PRDM16: variants seen among roughly 807,000 people sequenced by gnomAD.
PRDM16 encodes the protein PR/SET domain 16.
PRDM16 carries 23 observed loss-of-function variants against 110.6 expected under a neutral mutation model. That is an observed-to-expected ratio of 0.21 (90% CI 0.15 to 0.29). The LOEUF is 0.29. Among genes scored for constraint, PRDM16 ranks in the 10% least tolerant of loss-of-function variants. The probability of loss-of-function intolerance (pLI) is 1.00; values close to 1 mark genes in which losing one functional copy is unlikely to be tolerated. For synonymous variants in PRDM16, 799 were observed against 781.8 expected (o/e 1.02, Z -0.37); for missense variants, 1,615 against 1,794.3 (o/e 0.90, Z 1.81).
At chr1:3,325,760 G>A (rs1295342000) in intron 3 of PRDM16, among the ~76,000 whole-genome samples, 2 of 151,284 alleles carry the variant, frequency 1.3e-5, no homozygotes, top group Non-Finnish European at 1.5e-5. Flanking sequence ...CTTCCTTGGC[G>A]ATTCTCAGTG....
intron 1 of PRDM16, among the ~76,000 whole-genome samples, chr1:3,095,635 C>T (rs1371637976): frequency 6.6e-6 from 1 of 152,152 alleles, no homozygotes; most frequent in Non-Finnish European, 1.5e-5. Context: ...GCCCTAGGGA[C>T]CCCTGTGCTG....
intron 1 of PRDM16, among the ~76,000 whole-genome samples, chr1:3,102,207 G>A (rs1166149091): frequency 6.6e-6 from 1 of 152,222 alleles, no homozygotes; most frequent in Non-Finnish European, 1.5e-5. Flanking sequence ...CAGGGAGCCA[G>A]GTAGAGGTGG....
intron 3 of PRDM16, among the ~76,000 whole-genome samples, chr1:3,324,742 C>A (rs1316713256): frequency 6.8e-6 from 1 of 147,876 alleles, no homozygotes; most frequent in African/African-American, 2.5e-5. Context: ...TCGTCACCCC[C>A]CCTTGATTCC....
chr1:3,188,388 TG>T (rs1182283753), intron 2 of PRDM16, among the ~76,000 whole-genome samples: 1 of 152,126 alleles, frequency 6.6e-6, no homozygotes, highest in Non-Finnish European at 1.5e-5. Context: ...TTTAAAGAAA[TG>T]GCCCGTATCA....
intron 1 of PRDM16, among the ~76,000 whole-genome samples, chr1:3,161,709 C>T (rs1047772250): frequency 2.0e-5 from 3 of 152,182 alleles, no homozygotes; most frequent in East Asian, 3.9e-4. Flanking sequence ...GCGGGAGCCT[C>T]GAGATTCTTT....
At chr1:3,125,386 C>T (rs1643183759) in intron 1 of PRDM16, among the ~76,000 whole-genome samples, 3 of 152,248 alleles carry the variant, frequency 2.0e-5, no homozygotes, top group Admixed American at 2.0e-4. Context: ...AAGTGGGCCT[C>T]TGTTCAGCCC....
rs140795880 is a variant in PRDM16 at position 3,165,404 on chromosome 1, G to C, written c.38-20721G>C. On this transcript the variant is annotated intron_variant, in intron 1 of 16. Transcript: ENST00000270722. The stretch of plus-strand genomic sequence containing the variant: ...AGACAGGGACTCACCAGGGCTCAGG[G>C]ACAGTGACTCACCTGGGCTCAGGGA... 5.1e-3 allele frequency among the ~76,000 whole-genome samples: 707 copies of C among 138,296 alleles called. 19 individuals are homozygous for C. The highest frequency in any genetic ancestry group is 0.042 in the East Asian group (170 of 4,064). The allele number at this position is 138,296 out of a possible 152,430, so 90.7% of individuals were successfully genotyped here.
chr1:3,072,731 T>C lies in PRDM16; in HGVS notation c.37+3435T>C, dbSNP rs372464526. ...CGGCAGCCTTCCCTCTGAAGGCCGG[T>C]TAGGGCAGCAGCGCCAGGACGTCCG... On this transcript the variant is annotated intron_variant, in intron 1 of 16. Transcript: ENST00000270722. Among the ~76,000 whole-genome samples the C allele has an allele frequency of 2.4e-3, 371 of 152,030 alleles. 1 individual carries two copies. The highest frequency in any genetic ancestry group is 8.8e-3 in the African/African-American group (365 of 41,522).
At chr1:3,176,990 T>C (rs892310006) in intron 1 of PRDM16, among the ~76,000 whole-genome samples, 5 of 151,568 alleles carry the variant, frequency 3.3e-5, no homozygotes, top group Non-Finnish European at 5.9e-5. Context: ...CCAGCACTCA[T>C]CCATCCATTT....
Position 3,396,544 on chromosome 1 carries a change from C to T in PRDM16, c.627C>T (p.His209=), listed in dbSNP as rs12058363. 6,337 of 1,607,358 alleles carry T rather than the reference C, an allele frequency of 3.9e-3. 187 individuals are homozygous for T. In the African/African-American group the frequency reaches 0.066, roughly 17 times the overall value. ...AGCCAGGTGAGGAGCTGCTGGTGCA[C>T]GTGAAGGAAGGCGTCTACCCCCTGG... The part of the protein sequence containing the change: ...DIEPGEELLV[H]VKEGVYPLGT... Residue 209 remains histidine (H), a synonymous_variant, in exon 5 of 17, where the codon CAC becomes CAT. Transcript: ENST00000270722.
intron 1 of PRDM16, among the ~76,000 whole-genome samples, chr1:3,149,461 A>G (rs1360521189): frequency 6.6e-6 from 1 of 152,100 alleles, no homozygotes; most frequent in East Asian, 1.9e-4. Context: ...GGGTGCCTGC[A>G]GGCCTGCCCT....
intron 4 of PRDM16, among the ~76,000 whole-genome samples, chr1:3,395,032 T>C (rs1045550412): frequency 4.6e-5 from 7 of 152,232 alleles, no homozygotes; most frequent in African/African-American, 1.7e-4. Flanking sequence ...CTGCCTGTCC[T>C]CCTTCGTGCA....
intron 3 of PRDM16, among the ~76,000 whole-genome samples, chr1:3,305,981 A>G (rs1641304555): frequency 6.6e-6 from 1 of 152,246 alleles, no homozygotes; most frequent in African/African-American, 2.4e-5. Flanking sequence ...CGTGCTGGGT[A>G]CAGTCCCAAG....
chr1:3,406,419 T>A (rs1238978342), intron 8 of PRDM16, among the ~76,000 whole-genome samples: 1 of 151,848 alleles, frequency 6.6e-6, no homozygotes, highest in Non-Finnish European at 1.5e-5. Flanking sequence ...AGGGTTTGTT[T>A]AAGGAGTGAG....
chr1:3,252,015 A>G (rs979703923), intron 3 of PRDM16, among the ~76,000 whole-genome samples: 2 of 152,178 alleles, frequency 1.3e-5, no homozygotes, highest in Non-Finnish European at 2.9e-5. Context: ...CACGATTCTC[A>G]TCAGCTGGGC....
chr1:3,403,958 G>A (rs567788607), intron 6 of PRDM16, among the ~76,000 whole-genome samples: 7 of 152,316 alleles, frequency 4.6e-5, no homozygotes, highest in South Asian at 2.1e-4. Context: ...TCCCAACTGC[G>A]GCCCTTCCCA....
intron 1 of PRDM16, among the ~76,000 whole-genome samples, chr1:3,181,579 CGGTCTTACATATGGTCTTACACAT>C (rs1644191604): frequency 1.4e-5 from 2 of 139,084 alleles, no homozygotes; most frequent in African/African-American, 5.5e-5. Flanking sequence ...GTCTTACACA[CGGTCTTACATATGGTCTTACACAT>C]GCAGTCTTAC....
chr1:3,375,757 G>A (rs562331798), intron 3 of PRDM16, among the ~76,000 whole-genome samples: 15 of 152,316 alleles, frequency 9.8e-5, no homozygotes, highest in African/African-American at 2.6e-4. Flanking sequence ...CACTGCGCAC[G>A]GTCAGATGGA....
At chr1:3,311,926 G>A (rs1293477602) in intron 3 of PRDM16, among the ~76,000 whole-genome samples, 2 of 152,162 alleles carry the variant, frequency 1.3e-5, no homozygotes, top group Non-Finnish European at 2.9e-5. Flanking sequence ...AGCTTTGCAG[G>A]TCAGCTCCCG....
Sources: gnomAD v4.1 joint callset for allele counts (sites outside exome capture counted in the v4.1 genomes callset) on GRCh38, gnomAD v4.1.1 for gene constraint, MANE v1.5 for transcripts, NCBI Gene and HGNC (gene_info 2026-07-23, HGNC 2026-07-21) for gene names.